The following CLASP1 variants were observed in gnomAD, a reference collection of about 807,000 sequenced individuals.
CLASP1 encodes cytoplasmic linker associated protein 1.
A neutral mutation model predicts 192.3 loss-of-function variants in CLASP1; 38 were observed. The observed-to-expected ratio is 0.20, with a 90% CI of 0.15 to 0.26. The LOEUF (loss-of-function observed/expected upper bound fraction) is 0.26. CLASP1 is among the 10% of genes least tolerant of loss of function. The pLI is 1.00. For missense variants in CLASP1, 1,433 were observed against 1,932.5 expected (o/e 0.74, Z 4.85); for synonymous variants, 691 against 712.8 (o/e 0.97, Z 0.49).
Position 121,633,028 on chromosome 2 carries a change from A to ATATATATATATG in CLASP1, c.-286+16343_-286+16344insCATATATATATA, listed in dbSNP as rs71398039. ...TGTGCATATATATATATATATATAT[A>ATATATATATATG]GGCTTTTTTTCATGAATATAATTAA... On this transcript the variant is annotated intron_variant, in intron 1 of 39. Coordinates refer to ENST00000263710, the Ensembl canonical transcript of CLASP1. Among the ~76,000 whole-genome samples, 816 of 137,514 alleles carry ATATATATATATG rather than the reference A, an allele frequency of 5.9e-3. 55 individuals are homozygous for ATATATATATATG. Among genetic ancestry groups the ATATATATATATG allele is most frequent in the African/African-American group, 0.023 (781 of 34,240 alleles). 90.2% of individuals were successfully genotyped at this position (137,514 alleles called of 152,430 possible). A position where few individuals can be genotyped will look rare whatever the true frequency, so the allele number is the denominator to read the frequency against.
Position 121,377,998 on chromosome 2 carries a change from G to A in CLASP1, c.3492-349C>T, listed in dbSNP as rs1444662838. ...CTTATTTTGAAGATGGAAAAAAGGA[G>A]TTTGGTTGTTACTGGTCTCAAATGT... On this transcript the variant is annotated intron_variant, in intron 33 of 39. Coordinates refer to ENST00000263710, the Ensembl canonical transcript of CLASP1. Among the ~76,000 whole-genome samples the A allele has an allele frequency of 2.0e-5, 3 of 152,298 alleles. No homozygotes were observed. The East Asian group carries it at 5.8e-4, about 29-fold the overall frequency.
intron 8 of CLASP1, chr2:121,470,293 C>CTTTTTTTTTTTTTTTTTTTTTT (rs70954550): frequency 3.8e-6 from 1 of 261,760 alleles, no homozygotes; most frequent in African/African-American, 3.0e-5. Context: ...ACCATCCATG[C>CTTTTTTTTTTTTTTTTTTTTTT]TTTTTTTTTT....
chr2:121,582,899 C>G (rs1348425920), intron 2 of CLASP1, among the ~76,000 whole-genome samples: 2 of 151,862 alleles, frequency 1.3e-5, no homozygotes, highest in Non-Finnish European at 2.9e-5. Flanking sequence ...AATGCTCTTG[C>G]CTCAGCTTCC....
chr2:121,528,532 A>G, intron 4 of CLASP1, 145 bp downstream of exon 4: 1 of 658,754 alleles, frequency 1.5e-6, no homozygotes, highest in Non-Finnish European at 2.7e-6. Flanking sequence ...GGGGAAACAG[A>G]TTGAATGCTG....
At chr2:121,340,534 T>C in exon 40 of CLASP1, 1 of 238,412 alleles carries the variant, frequency 4.2e-6, no homozygotes. Flanking sequence ...TACCAAGTAG[T>C]GGCTAGAGCG....
intron 20 of CLASP1, among the ~76,000 whole-genome samples, chr2:121,427,844 C>T (rs2080712151): frequency 6.6e-6 from 1 of 152,228 alleles, no homozygotes; most frequent in East Asian, 1.9e-4. Flanking sequence ...TTCCCATAAA[C>T]CTCAAATATT....
intron 2 of CLASP1, among the ~76,000 whole-genome samples, chr2:121,559,964 C>G (rs2058933892): frequency 6.6e-6 from 1 of 151,882 alleles, no homozygotes; most frequent in Non-Finnish European, 1.5e-5. Flanking sequence ...AGAAAAAAGA[C>G]ATTAGTGGAA....
chr2:121,478,829 AC>A (rs1302695718), intron 8 of CLASP1, among the ~76,000 whole-genome samples: 3 of 51,780 alleles, frequency 5.8e-5, no homozygotes, highest in African/African-American at 9.5e-5. Context: ...ACAACCACAC[AC>A]CACACACCAC....
Position 121,555,270 on chromosome 2 carries a change from G to A in CLASP1, c.196-24945C>T, listed in dbSNP as rs556072168. ...GCTGTCTGCTCTTGTGCCTCTTTCA[G>A]GACTCGCTTCAAGCCTCATCAACTC... On this transcript the variant is annotated intron_variant, in intron 2 of 39. Coordinates refer to ENST00000263710, the Ensembl canonical transcript of CLASP1. Among the ~76,000 whole-genome samples the A allele has an allele frequency of 3.3e-5, 5 of 152,272 alleles. No individual in the cohort carries two copies. In the East Asian group the frequency reaches 7.7e-4, roughly 23 times the overall value.
chr2:121,515,846 C>A lies in CLASP1; in HGVS notation c.547-84G>T, dbSNP rs1017266939. ...TGGGACACAACAGGCCATATACCAC[C>A]CCAATTTATCACCATTTTACCAGTG... On this transcript the variant is annotated intron_variant, in intron 6 of 39. Transcript: ENST00000263710. 39 of 986,424 alleles carry A rather than the reference C, an allele frequency of 4.0e-5. No individual in the cohort carries two copies. The South Asian group carries it at 4.0e-4, about 10-fold the overall frequency. The allele number at this position is 986,424 out of a possible 1,614,324, so 61.1% of individuals were successfully genotyped here.
intron 2 of CLASP1, among the ~76,000 whole-genome samples, chr2:121,557,656 T>G (rs962556042): frequency 5.3e-5 from 8 of 151,730 alleles, no homozygotes; most frequent in Non-Finnish European, 1.2e-4. Context: ...TAAGCTCTGC[T>G]AACTTTTTAG....
At chr2:121,562,005 T>C (rs1297062398) in intron 2 of CLASP1, among the ~76,000 whole-genome samples, 2 of 152,248 alleles carry the variant, frequency 1.3e-5, no homozygotes, top group East Asian at 1.9e-4. Context: ...GGCTTAATGT[T>C]AGACAAGTAT....
At chr2:121,628,178 G>A (rs1050724601) in intron 1 of CLASP1, among the ~76,000 whole-genome samples, 46 of 152,076 alleles carry the variant, frequency 3.0e-4, no homozygotes, top group Admixed American at 4.6e-4. Context: ...AAAGAAAAGC[G>A]CAAAAAGAGA....
chr2:121,607,100 G>A (rs2064532078), intron 1 of CLASP1, among the ~76,000 whole-genome samples: 1 of 150,916 alleles, frequency 6.6e-6, no homozygotes, highest in East Asian at 2.0e-4. Context: ...TCAGCACTTT[G>A]GGAGGCCGAG....
rs556413558 is a variant in CLASP1, at chr2:121,507,636, C to T, written c.645-4402G>A. 3.9e-5 allele frequency among the ~76,000 whole-genome samples: 6 copies of T among 152,240 alleles called. No homozygotes were observed. In the South Asian group the frequency reaches 1.2e-3, roughly 32 times the overall value. On this transcript the variant is annotated intron_variant, in intron 7 of 39. Transcript: ENST00000263710. The stretch of plus-strand genomic sequence containing the variant: ...ATATATGAAGAATAATGGCTAAAAA[C>T]TTCACAAATTTGATATAAAACAATC...
chr2:121,460,602 T>C (rs1052233166), intron 11 of CLASP1, among the ~76,000 whole-genome samples: 11 of 152,178 alleles, frequency 7.2e-5, no homozygotes, highest in Non-Finnish European at 1.6e-4. Flanking sequence ...ATAATGGCAA[T>C]TGTACCACTT....
Position 121,590,543 on chromosome 2 carries a change from A to G in CLASP1, c.195+15158T>C, listed in dbSNP as rs551775061. 2.4e-4 allele frequency among the ~76,000 whole-genome samples: 36 copies of G among 152,362 alleles called. No individual in the cohort carries two copies. The South Asian group carries it at 7.5e-3, about 32-fold the overall frequency. On this transcript the variant is annotated intron_variant, in intron 2 of 39. Transcript: ENST00000263710. The stretch of plus-strand genomic sequence containing the variant: ...TCGGTCTTATCTAAATATTCTTTCC[A>G]TCTTTTTTCTACAGATATAAACAAT...
chr2:121,432,103 TTTTATTAA>T (rs2081528263), intron 19 of CLASP1, among the ~76,000 whole-genome samples: 2 of 152,124 alleles, frequency 1.3e-5, no homozygotes, highest in Admixed American at 1.3e-4. Flanking sequence ...GTGATTAGCT[TTTTATTAA>T]TTTATTAATT....
intron 2 of CLASP1, among the ~76,000 whole-genome samples, chr2:121,555,544 A>G (rs1427406532): frequency 2.0e-5 from 3 of 152,204 alleles, no homozygotes; most frequent in African/African-American, 7.2e-5. Flanking sequence ...ACAAACAGGA[A>G]AGAATGTAAA....
Sources: allele counts gnomAD v4.1 joint callset (sites outside exome capture counted in the v4.1 genomes callset), GRCh38; gene constraint gnomAD v4.1.1; transcripts MANE v1.5; gene names NCBI Gene and HGNC (gene_info 2026-07-23, HGNC 2026-07-21).